The following VWA5B2 variants were observed in gnomAD, a reference collection of about 807,000 sequenced individuals.
VWA5B2 encodes the protein von Willebrand factor A domain containing 5B2.
A neutral mutation model predicts 118.5 loss-of-function variants in VWA5B2; 93 were observed. That is an observed-to-expected ratio of 0.79 (90% confidence interval 0.66 to 0.93). VWA5B2 has a LOEUF of 0.93. Ranked by LOEUF, VWA5B2 falls within the 40% of genes least tolerant of loss-of-function variation. VWA5B2 has a pLI of 0.00. For synonymous variants in VWA5B2, 708 were observed against 716.3 expected (o/e 0.99, Z 0.19); for missense variants, 1,546 against 1,672.8 (o/e 0.92, Z 1.32).
Position 184,238,274 on chromosome 3 carries a change from A to C in VWA5B2, c.1720-29A>C. On this transcript the variant is annotated intron_variant, in intron 12 of 19. Transcript: ENST00000691901. The surrounding 1 kb of genome is among the most constrained non-coding windows in gnomAD (Gnocchi z 5.0). ...AAAGAGGTAGCACATAACTGCAGTT[A>C]ATTTTTTTCCCAATAATATTCTCTC... is the stretch of plus-strand genomic sequence containing the variant. 1 of 1,459,588 alleles carries C rather than the reference A, an allele frequency of 6.9e-7. No individual in the cohort carries two copies. Among genetic ancestry groups the C allele is most frequent in the Non-Finnish European group, 9.1e-7 (1 of 1,100,358 alleles). 90.4% of individuals were successfully genotyped at this position (1,459,588 alleles called of 1,614,324 possible).
At position 184,230,500 on chromosome 3, in the gene VWA5B2, C is replaced by G; in HGVS notation, c.-29C>G. 5 of 1,430,042 alleles carry G rather than the reference C, an allele frequency of 3.5e-6. No individual in the cohort carries two copies. The South Asian group carries it at 4.3e-5, about 12-fold the overall frequency. 88.6% of individuals were successfully genotyped at this position (1,430,042 alleles called of 1,614,324 possible). On this transcript the variant is annotated 5_prime_UTR_variant, in exon 2 of 20. Transcript: ENST00000691901. ...CACCCTGCGCCCAGCTTCCCCGGCCCGTTCCCGCAGGGCCGGCCTCCCGGC... is the reference window on the plus strand; with the variant it reads ...CACCCTGCGCCCAGCTTCCCCGGCCGGTTCCCGCAGGGCCGGCCTCCCGGC...
rs1021857582 is a variant in VWA5B2, at chr3:184,233,581, C to T, written c.536C>T (p.Thr179Ile). Residue 179 changes from threonine to isoleucine, a missense_variant, in exon 5 of 20, where the codon ACC becomes ATC. Around this residue, in one of 3 missense-constraint regions of VWA5B2, gnomAD observed 775 missense variants for 882.3 expected, o/e 0.88. Coordinates refer to ENST00000691901, the MANE Select transcript of VWA5B2 (RefSeq NM_001390846.1). This position sits in a 1 kb window ranked among gnomAD's most constrained non-coding sequence, Gnocchi z 5.2. ...RPPGLCDDSP[T>I]SCFGVGSLQE... Reference sequence around the variant, plus strand: ...CTCCTCATGCTCCCTTCCAGCCCCACCAGCTGCTTCGGGGTGGGCAGCCTT... The same window carrying T: ...CTCCTCATGCTCCCTTCCAGCCCCATCAGCTGCTTCGGGGTGGGCAGCCTT... 3.2e-6 allele frequency: 5 copies of T among 1,550,516 alleles called. No homozygotes were observed. Among genetic ancestry groups the T allele is most frequent in the Middle Eastern group, 1.7e-4 (1 of 5,980 alleles).
At position 184,240,906 on chromosome 3, in the gene VWA5B2, G is replaced by T; in HGVS notation, c.2856G>T (p.Gly952=). The T allele has an allele frequency of 6.4e-7, 1 of 1,551,590 alleles. No individual in the cohort carries two copies. The highest frequency in any genetic ancestry group is 1.2e-5 in the South Asian group (1 of 84,062). The change falls in exon 17 of 20, where the codon GGG becomes GGT. Residue 952 remains glycine, a synonymous_variant. Coordinates refer to ENST00000691901, the MANE Select transcript of VWA5B2 (RefSeq NM_001390846.1). ...CTACTACTAGGGAGGTCCTGCCTGG[G>T]GCCCTGCAGGTGTGCAGCTCAGGTA... is the stretch of plus-strand genomic sequence containing the variant. ...VDATTREVLP[G]ALQVCSSEPA...
chr3:184,230,662 T>C lies in VWA5B2; in HGVS notation c.134T>C (p.Val45Ala). Residue 45 changes from valine (V) to alanine (A), a missense_variant, in exon 2 of 20, where the codon GTG (valine) becomes GCG (alanine). Physicochemically the swap from Val to Ala is moderately conservative, Grantham distance 64 (BLOSUM62 0). Around this residue, in one of 3 missense-constraint regions of VWA5B2, gnomAD observed 775 missense variants for 882.3 expected, o/e 0.88. Transcript: ENST00000691901. Reference protein sequence around the residue: ...LTYRNPQPQPVDGVFVYPLAE... With the variant: ...LTYRNPQPQPADGVFVYPLAE... ...TACCGCAACCCGCAGCCGCAGCCGG[T>C]GGACGGTGAGGCCCGGGTGGGGCGC... The C allele has an allele frequency of 7.6e-7, 1 of 1,314,724 alleles. No individual in the cohort carries two copies. The highest frequency in any genetic ancestry group is 9.7e-7 in the Non-Finnish European group (1 of 1,035,880). 81.4% of individuals were successfully genotyped at this position (1,314,724 alleles called of 1,614,324 possible).
Position 184,230,676 on chromosome 3 carries a change from C to G in VWA5B2, c.139+9C>G. ...GCCGCAGCCGGTGGACGGTGAGGCCCGGGTGGGGCGCGGGCGCGGCGGGGG... is the reference window on the plus strand; with the variant it reads ...GCCGCAGCCGGTGGACGGTGAGGCCGGGGTGGGGCGCGGGCGCGGCGGGGG... On this transcript the variant is annotated intron_variant, in intron 2 of 19. Coordinates refer to ENST00000691901, the MANE Select transcript of VWA5B2 (RefSeq NM_001390846.1). 8.0e-7 allele frequency: 1 copy of G among 1,242,536 alleles called. No individual in the cohort carries two copies. The highest frequency in any genetic ancestry group is 1.0e-6 in the Non-Finnish European group (1 of 995,430). The allele number at this position is 1,242,536 out of a possible 1,614,324, so 77.0% of individuals were successfully genotyped here.
chr3:184,241,520 C>T lies in VWA5B2; in HGVS notation c.3211C>T (p.Arg1071Cys). The part of the protein sequence containing the change: ...VRLQEAPGSF[R>C]LDAPFCAAVR... ...GCTGCAGGAGGCACCAGGCTCCTTC[C>T]GCCTGGACGCGCCCTTCTGCGCCGC... The change falls in exon 20 of 20, where the codon CGC (arginine) becomes TGC (cysteine). Residue 1071 changes from arginine to cysteine, a missense_variant. Physicochemically the swap from Arg to Cys is radical, Grantham distance 180. Around this residue, in one of 3 missense-constraint regions of VWA5B2, gnomAD observed 763 missense variants for 766.6 expected, o/e 1.00. Coordinates refer to ENST00000691901, the MANE Select transcript of VWA5B2 (RefSeq NM_001390846.1). This position sits in a 1 kb window ranked among gnomAD's most constrained non-coding sequence, Gnocchi z 5.1. 1.3e-6 allele frequency: 2 copies of T among 1,550,038 alleles called. No homozygotes were observed. The highest frequency in any genetic ancestry group is 2.4e-5 in the East Asian group (1 of 40,922).
chr3:184,241,008 C>A lies in VWA5B2; in HGVS notation c.2879-16C>A. ...CTCCTGGACAAACCTGACTCCTGTC[C>A]CATGTGCCCCTGCAGAGCCCGCTGA... is the stretch of plus-strand genomic sequence containing the variant. On this transcript the variant is annotated splice_polypyrimidine_tract_variant and intron_variant, in intron 17 of 19. Coordinates refer to ENST00000691901, the MANE Select transcript of VWA5B2 (RefSeq NM_001390846.1). This position sits in a 1 kb window ranked among gnomAD's most constrained non-coding sequence, Gnocchi z 5.1. The A allele has an allele frequency of 6.4e-7, 1 of 1,551,642 alleles. No individual in the cohort carries two copies. The highest frequency in any genetic ancestry group is 2.4e-5 in the East Asian group (1 of 40,922).
chr3:184,239,340 GA>G lies in VWA5B2; in HGVS notation c.2203-53del. The G allele has an allele frequency of 1.4e-6, 2 of 1,461,820 alleles. No individual in the cohort carries two copies. The highest frequency in any genetic ancestry group is 1.8e-6 in the Non-Finnish European group (2 of 1,098,574). 90.6% of individuals were successfully genotyped at this position (1,461,820 alleles called of 1,614,324 possible). A position where few individuals can be genotyped will look rare whatever the true frequency, so the allele number is the denominator to read the frequency against. On this transcript the variant is annotated intron_variant, in intron 14 of 19. Coordinates refer to ENST00000691901, the MANE Select transcript of VWA5B2 (RefSeq NM_001390846.1). The surrounding 1 kb of genome is among the most constrained non-coding windows in gnomAD (Gnocchi z 5.1). ...ATGGGCCAGCTGTGCACCCATGTATGATGGTCAAGGGTTCTGCATTCCTTGA... is the reference window on the plus strand; with the variant it reads ...ATGGGCCAGCTGTGCACCCATGTATGTGGTCAAGGGTTCTGCATTCCTTGA...
Position 184,233,337 on chromosome 3 carries a change from C to A in VWA5B2, c.470C>A (p.Thr157Asn), listed in dbSNP as rs548730521. ...CATGTGGCCCTGCCCACTGTGCTCA[C>A]CCCGCTGGCCCCGCCAGGCCCGCCG... is the stretch of plus-strand genomic sequence containing the variant. ...VLHVALPTVLTPLAPPGPPGP... is the reference protein window; with the variant it reads ...VLHVALPTVLNPLAPPGPPGP... Residue 157 changes from threonine to asparagine, a missense_variant, in exon 4 of 20, where the codon ACC becomes AAC. This residue lies in a region of VWA5B2 where 775 missense variants were observed against 882.3 expected (regional missense o/e 0.88). Coordinates refer to ENST00000691901, the MANE Select transcript of VWA5B2 (RefSeq NM_001390846.1). The surrounding 1 kb of genome is among the most constrained non-coding windows in gnomAD (Gnocchi z 5.2). The A allele has an allele frequency of 9.5e-4, 1,454 of 1,536,788 alleles. 2 individuals carry two copies. Among genetic ancestry groups the A allele is most frequent in the South Asian group, 1.3e-3 (106 of 81,592 alleles).
In VWA5B2 at chr3:184,233,757, C is replaced by G; in HGVS notation, c.688+24C>G. The G allele has an allele frequency of 6.5e-7, 1 of 1,548,050 alleles. No individual in the cohort carries two copies. Among genetic ancestry groups the G allele is most frequent in the East Asian group, 2.4e-5 (1 of 40,912 alleles). On this transcript the variant is annotated intron_variant, in intron 5 of 19. Transcript: ENST00000691901. The surrounding 1 kb of genome is among the most constrained non-coding windows in gnomAD (Gnocchi z 5.2). Reference sequence around the variant, plus strand: ...AGGTGGGTGCATCTGGCTGGCCTGCCCTCTTTTCAGATGCCCACTCCACCC... The same window carrying G: ...AGGTGGGTGCATCTGGCTGGCCTGCGCTCTTTTCAGATGCCCACTCCACCC...
intron 11 of VWA5B2, 134 bp downstream of exon 11, chr3:184,236,883 CAG>C (rs898320628): frequency 2.1e-5 from 16 of 771,636 alleles, no homozygotes; most frequent in Non-Finnish European, 2.8e-5. Flanking sequence ...CCACTCCAAT[CAG>C]GGGAAGAGCT....
rs1361754590 is a variant in VWA5B2, at chr3:184,242,119, G to A, written c.*81G>A. ...CGCCCAGGGCTGGCCTCTTGGTGCT[G>A]GGAAAGTGTAGGCTGGTGCCAGCCT... On this transcript the variant is annotated 3_prime_UTR_variant, in exon 20 of 20. Coordinates refer to ENST00000691901, the MANE Select transcript of VWA5B2 (RefSeq NM_001390846.1). The A allele has an allele frequency of 1.3e-6, 2 of 1,497,002 alleles. No homozygotes were observed. Among genetic ancestry groups the A allele is most frequent in the Non-Finnish European group, 1.8e-6 (2 of 1,117,172 alleles). 92.7% of individuals were successfully genotyped at this position (1,497,002 alleles called of 1,614,324 possible). A position where few individuals can be genotyped will look rare whatever the true frequency, so the allele number is the denominator to read the frequency against.
At chr3:184,234,980 AT>A in intron 7 of VWA5B2, 172 bp from the exon 8 acceptor site, 1 of 1,076,576 alleles carries the variant, frequency 9.3e-7, no homozygotes, top group South Asian at 1.7e-5. Context: ...TAGGTCTGAT[AT>A]AAACAGAAGA....
At position 184,238,334 on chromosome 3, in the gene VWA5B2, G is replaced by A; in HGVS notation, c.1751G>A (p.Gly584Glu). 6.5e-7 allele frequency: 1 copy of A among 1,544,624 alleles called. No individual in the cohort carries two copies. The highest frequency in any genetic ancestry group is 1.2e-5 in the South Asian group (1 of 83,460). The change falls in exon 13 of 20, where the codon GGG becomes GAG. Residue 584 changes from glycine to glutamate, a missense_variant. Physicochemically the swap from Gly to Glu is moderately conservative, Grantham distance 98. This residue lies in a region of VWA5B2 where 775 missense variants were observed against 882.3 expected (regional missense o/e 0.88). Transcript: ENST00000691901. The surrounding 1 kb of genome is among the most constrained non-coding windows in gnomAD (Gnocchi z 5.0). ...GQEPGWQSSG[G>E]SVFPSPEEAP... is the part of the protein sequence containing the mutation. Reference sequence around the variant, plus strand: ...GAGCCTGGCTGGCAGAGCTCGGGTGGGTCCGTGTTTCCATCCCCAGAAGAG... The same window carrying A: ...GAGCCTGGCTGGCAGAGCTCGGGTGAGTCCGTGTTTCCATCCCCAGAAGAG...
intron 3 of VWA5B2, chr3:184,232,709 G>C (rs1717519543): frequency 6.2e-6 from 1 of 161,788 alleles, no homozygotes; most frequent in Admixed American, 6.1e-5. Flanking sequence ...TGCCCGGGAG[G>C]AGTAGAGAAT....
chr3:184,238,426 G>A lies in VWA5B2; in HGVS notation c.1843G>A (p.Val615Ile), dbSNP rs1299163127. The change falls in exon 13 of 20, where the codon GTC (valine) becomes ATC (isoleucine). Residue 615 changes from valine to isoleucine, a missense_variant. By Grantham distance (29) the Val-to-Ile change is conservative. Coordinates refer to ENST00000691901, the MANE Select transcript of VWA5B2 (RefSeq NM_001390846.1). This position sits in a 1 kb window ranked among gnomAD's most constrained non-coding sequence, Gnocchi z 5.0. ...CTCAGAGCCACTGGGAACAGGCACTGTCTCAGCAGAACTGTCCAGCCCATG... is the reference window on the plus strand; with the variant it reads ...CTCAGAGCCACTGGGAACAGGCACTATCTCAGCAGAACTGTCCAGCCCATG... ...GTSEPLGTGT[V>I]SAELSSPWAA... 5.8e-6 allele frequency: 9 copies of A among 1,550,612 alleles called. No homozygotes were observed. In the South Asian group the frequency reaches 6.0e-5, roughly 10 times the overall value.
rs1718367559 is a variant in VWA5B2, at chr3:184,239,742, T to G, written c.2446T>G (p.Phe816Val). 6.6e-7 allele frequency: 1 copy of G among 1,506,426 alleles called. No homozygotes were observed. Among genetic ancestry groups the G allele is most frequent in the South Asian group, 1.3e-5 (1 of 77,026 alleles). The allele number at this position is 1,506,426 out of a possible 1,614,324, so 93.3% of individuals were successfully genotyped here. A position where few individuals can be genotyped will look rare whatever the true frequency, so the allele number is the denominator to read the frequency against. Residue 816 changes from phenylalanine to valine, a missense_variant, in exon 16 of 20, where the codon TTC (phenylalanine) becomes GTC (valine). Coordinates refer to ENST00000691901, the MANE Select transcript of VWA5B2 (RefSeq NM_001390846.1). The surrounding 1 kb of genome is among the most constrained non-coding windows in gnomAD (Gnocchi z 5.1). ...MDWDMLMEPPFLFTAVPPSGE... is the reference protein window; with the variant it reads ...MDWDMLMEPPVLFTAVPPSGE... ...CTGGGACATGCTGATGGAACCACCCTTCTTATTCACGGCTGTGCCTCCTAG... is the reference window on the plus strand; with the variant it reads ...CTGGGACATGCTGATGGAACCACCCGTCTTATTCACGGCTGTGCCTCCTAG...
At chr3:184,240,491 T>G (rs1718466939) in intron 16 of VWA5B2, 1 of 458,740 alleles carries the variant, frequency 2.2e-6, no homozygotes, top group Admixed American at 3.7e-5. Flanking sequence ...CATTTCCAAG[T>G]TTTATTAGTG....
At position 184,236,534 on chromosome 3, in the gene VWA5B2, G is replaced by A; in HGVS notation, c.1404G>A (p.Trp468Ter). ...ACCGAACCCTGGAGCTCATGAGGTGGCACAGGGGGACAGCCAGGTATGGGA... is the reference window on the plus strand; with the variant it reads ...ACCGAACCCTGGAGCTCATGAGGTGACACAGGGGGACAGCCAGGTATGGGA... Reference protein sequence around the residue: ...TTHRTLELMRWHRGTARCFSF... With the variant: ...TTHRTLELMR Residue 468 changes from tryptophan (W) to a stop codon, truncating the protein, a stop_gained, in exon 10 of 20, where the codon TGG becomes TGA. Coordinates refer to ENST00000691901, the MANE Select transcript of VWA5B2 (RefSeq NM_001390846.1). LOFTEE classifies it high-confidence loss of function. 1 of 1,550,222 alleles carries A rather than the reference G, an allele frequency of 6.5e-7. No individual in the cohort carries two copies. The highest frequency in any genetic ancestry group is 8.7e-7 in the Non-Finnish European group (1 of 1,146,956).
Sources: allele counts gnomAD v4.1 joint callset, GRCh38; gene constraint gnomAD v4.1.1; regional missense constraint gnomAD v4.1.1; non-coding constraint Gnocchi (gnomAD v3.1); transcripts MANE v1.5; gene names NCBI Gene and HGNC (gene_info 2026-07-23, HGNC 2026-07-21).